Variants in RAPGEF6 observed in about 807,000 individuals in gnomAD.
The protein encoded by RAPGEF6 is PDZ domain containing guanine nucleotide exchange factor (GEF) 2.
RAPGEF6 carries 56 observed loss-of-function variants against 171.4 expected under a neutral mutation model. The observed-to-expected ratio is 0.33, with a 90% confidence interval of 0.26 to 0.41. The LOEUF (loss-of-function observed/expected upper bound fraction) is 0.41. Among genes scored for constraint, RAPGEF6 ranks in the 10% least tolerant of loss-of-function variants. The pLI, the probability that RAPGEF6 is intolerant of heterozygous loss-of-function variation, is 1.00. For missense variants in RAPGEF6, 1,674 were observed against 1,921.4 expected, an observed-to-expected ratio of 0.87 and a Z score of 2.41; for synonymous variants, 692 against 650.1, an observed-to-expected ratio of 1.06 and a Z score of -0.98.
intron 7 of RAPGEF6, among the ~76,000 whole-genome samples, chr5:131,512,474 C>G (rs1225947776): frequency 2.0e-5 from 3 of 151,670 alleles, no homozygotes; most frequent in Non-Finnish European, 4.4e-5. Flanking sequence ...GTAGCTAGGA[C>G]CACAGGCACT....
At chr5:131,492,358 T>C (rs966179860) in intron 14 of RAPGEF6, among the ~76,000 whole-genome samples, 2 of 152,218 alleles carry the variant, frequency 1.3e-5, no homozygotes, top group African/African-American at 2.4e-5. Context: ...TAGAGCTCAG[T>C]AGACCATGTT....
Position 131,561,913 on chromosome 5 carries a change from C to T in RAPGEF6, c.351+65G>A, listed in dbSNP as rs1761627759. On this transcript the variant is annotated intron_variant, in intron 5 of 27. Coordinates refer to ENST00000509018, the MANE Select transcript of RAPGEF6 (RefSeq NM_016340.6). ...TAAAACCTCCTTAAGTGTTTAAAGC[C>T]TACTACATTTAAAGTTAAAACTGAA... The T allele has an allele frequency of 2.5e-5, 31 of 1,236,398 alleles. No individual in the cohort carries two copies. In the East Asian group the frequency reaches 7.2e-4, roughly 29 times the overall value. The allele number at this position is 1,236,398 out of a possible 1,614,324, so 76.6% of individuals were successfully genotyped here.
chr5:131,546,466 T>C (rs1359026885), intron 6 of RAPGEF6, among the ~76,000 whole-genome samples: 1 of 151,822 alleles, frequency 6.6e-6, no homozygotes, highest in East Asian at 1.9e-4. Context: ...TAGCTGGGCG[T>C]GGTGGCGGGC....
At chr5:131,441,454 C>G (rs1752379943) in intron 23 of RAPGEF6, among the ~76,000 whole-genome samples, 1 of 152,210 alleles carries the variant, frequency 6.6e-6, no homozygotes, top group African/African-American at 2.4e-5. Flanking sequence ...AGCAACTTCT[C>G]TGGAACTTTT....
At chr5:131,535,024 C>T (rs1229398006) in intron 6 of RAPGEF6, among the ~76,000 whole-genome samples, 1 of 152,094 alleles carries the variant, frequency 6.6e-6, no homozygotes, top group Non-Finnish European at 1.5e-5. Flanking sequence ...AAAACTGCTG[C>T]CCAGTGTGAG....
intron 4 of RAPGEF6, among the ~76,000 whole-genome samples, chr5:131,587,640 G>T (rs530535325): frequency 7.2e-5 from 11 of 152,156 alleles, no homozygotes; most frequent in African/African-American, 2.7e-4. Context: ...TTGGCACGGT[G>T]AGTTCTTTAA....
At chr5:131,620,075 CT>C (rs1182263664) in intron 1 of RAPGEF6, among the ~76,000 whole-genome samples, 1 of 152,204 alleles carries the variant, frequency 6.6e-6, no homozygotes, top group African/African-American at 2.4e-5. Flanking sequence ...TATTAGCTTT[CT>C]GCGGCGGCTG....
At chr5:131,570,503 A>T (rs1025329774) in intron 4 of RAPGEF6, among the ~76,000 whole-genome samples, 10 of 152,204 alleles carry the variant, frequency 6.6e-5, no homozygotes, top group African/African-American at 2.4e-4. Context: ...CTTTTATGTA[A>T]ATTTTGATAG....
chr5:131,489,500 C>T, intron 15 of RAPGEF6, 46 bp downstream of exon 15: 4 of 1,142,880 alleles, frequency 3.5e-6, no homozygotes, highest in Non-Finnish European at 3.8e-6. Context: ...TTTCTATTAC[C>T]AAATTAAGAA....
At position 131,561,660 on chromosome 5, in the gene RAPGEF6, C is replaced by CAAA. The variant is rs35691525; in HGVS notation, c.351+315_351+317dup. 3.8e-3 allele frequency among the ~76,000 whole-genome samples: 343 copies of CAAA among 90,870 alleles called. 4 individuals carry two copies. Among genetic ancestry groups the CAAA allele is most frequent in the African/African-American group, 0.014 (326 of 23,618 alleles). The allele number at this position is 90,870 out of a possible 152,430, so 59.6% of individuals were successfully genotyped here. A position where few individuals can be genotyped will look rare whatever the true frequency, so the allele number is the denominator to read the frequency against. On this transcript the variant is annotated intron_variant, in intron 5 of 27. Transcript: ENST00000509018. The stretch of plus-strand genomic sequence containing the variant: ...GGGCACCAAGAATGAAACTCTGTCT[C>CAAA]AAAAAAAAAAAAAAAAAAAAAAATC...
At chr5:131,561,895 T>A in intron 5 of RAPGEF6, 83 bp downstream of exon 5, 1 of 1,012,042 alleles carries the variant, frequency 9.9e-7, no homozygotes, top group Non-Finnish European at 1.5e-6. Context: ...TAATAAAACC[T>A]CCTTAAGTGT....
intron 6 of RAPGEF6, among the ~76,000 whole-genome samples, chr5:131,539,738 C>G (rs1760011322): frequency 6.6e-6 from 1 of 152,124 alleles, no homozygotes; most frequent in Non-Finnish European, 1.5e-5. Context: ...GCTGCATTGA[C>G]AAATGTACAT....
chr5:131,553,884 A>C (rs1032619206), intron 5 of RAPGEF6, among the ~76,000 whole-genome samples: 1 of 152,050 alleles, frequency 6.6e-6, no homozygotes, highest in Non-Finnish European at 1.5e-5. Flanking sequence ...CATCATGAAG[A>C]GGTAAAAAAT....
intron 15 of RAPGEF6, among the ~76,000 whole-genome samples, chr5:131,481,873 T>C (rs1162749967): frequency 1.3e-5 from 2 of 152,198 alleles, no homozygotes; most frequent in African/African-American, 4.8e-5. Flanking sequence ...ATGCTGCACC[T>C]TTTTTTATTT....
intron 24 of RAPGEF6, among the ~76,000 whole-genome samples, chr5:131,434,422 A>T (rs1751898324): frequency 6.6e-6 from 1 of 152,168 alleles, no homozygotes; most frequent in Non-Finnish European, 1.5e-5. Flanking sequence ...AACTTTTTGC[A>T]GAAATGAGGT....
rs1752970856 is a variant in RAPGEF6 at position 131,450,165 on chromosome 5, G to C, written c.3200+2889C>G. 11 of 1,123,734 alleles carry C rather than the reference G, an allele frequency of 9.8e-6. No homozygotes were observed. The East Asian group carries it at 2.9e-4, about 29-fold the overall frequency. 69.6% of individuals were successfully genotyped at this position (1,123,734 alleles called of 1,614,324 possible). On this transcript the variant is annotated intron_variant, in intron 21 of 27. Coordinates refer to ENST00000509018, the MANE Select transcript of RAPGEF6 (RefSeq NM_016340.6). ...AGAAAAGAACAGAAACATTTTATCA[G>C]GAAAAAATTACAGCTTAACAGTAAA...
intron 15 of RAPGEF6, among the ~76,000 whole-genome samples, chr5:131,487,238 C>G (rs1041943334): frequency 6.6e-6 from 1 of 152,200 alleles, no homozygotes; most frequent in Non-Finnish European, 1.5e-5. Context: ...AGTGTTACAG[C>G]TCTTAAAGGT....
chr5:131,450,077 T>C, intron 21 of RAPGEF6: 1 of 1,533,450 alleles, frequency 6.5e-7, no homozygotes, highest in Non-Finnish European at 8.8e-7. Flanking sequence ...CATTGAAGCA[T>C]GTGTTTGAAT....
chr5:131,476,313 C>A (rs990241585), intron 16 of RAPGEF6, among the ~76,000 whole-genome samples: 1 of 152,038 alleles, frequency 6.6e-6, no homozygotes, highest in Non-Finnish European at 1.5e-5. Flanking sequence ...TTGGCTAGTG[C>A]GGTAGCTCAA....
Sources: allele counts gnomAD v4.1 joint callset (sites outside exome capture counted in the v4.1 genomes callset), GRCh38; gene constraint gnomAD v4.1.1; transcripts MANE v1.5; gene names NCBI Gene and HGNC (gene_info 2026-07-23, HGNC 2026-07-21).